The following SEMA3E variants were observed in gnomAD, a reference collection of about 807,000 sequenced individuals.
The protein encoded by SEMA3E is semaphorin-3E.
Under a neutral mutation model 93.6 loss-of-function variants are expected in SEMA3E, and 49 were observed. The observed-to-expected ratio is 0.52, with a 90% CI of 0.42 to 0.66. The LOEUF is 0.66. Among genes scored for constraint, SEMA3E ranks in the 30% least tolerant of loss-of-function variants. SEMA3E has a pLI of 0.00. For synonymous variants in SEMA3E, 363 were observed against 330.7 expected (o/e 1.10, Z -1.06); for missense variants, 906 against 964.8 (o/e 0.94, Z 0.81).
chr7:83,487,393 AG>A (rs1790281735), intron 2 of SEMA3E, among the ~76,000 whole-genome samples: 1 of 152,086 alleles, frequency 6.6e-6, no homozygotes, highest in African/African-American at 2.4e-5. Context: ...TTCAATGAAA[AG>A]GTTGTTAATT....
chr7:83,508,803 T>C (rs1268946777), intron 1 of SEMA3E, among the ~76,000 whole-genome samples: 1 of 152,156 alleles, frequency 6.6e-6, no homozygotes, highest in African/African-American at 2.4e-5. Flanking sequence ...CAGTGGCAAA[T>C]TGCCATGGGT....
At chr7:83,634,945 T>C (rs917103113) in intron 1 of SEMA3E, among the ~76,000 whole-genome samples, 8 of 152,222 alleles carry the variant, frequency 5.3e-5, no homozygotes, top group African/African-American at 1.7e-4. Flanking sequence ...AAGTTCTTTC[T>C]CTTTATAATT....
intron 1 of SEMA3E, among the ~76,000 whole-genome samples, chr7:83,581,426 G>A (rs765822014): frequency 4.0e-5 from 6 of 151,874 alleles, no homozygotes; most frequent in Admixed American, 2.0e-4. Flanking sequence ...CAATTTTCCC[G>A]TTTGAAGGAC....
chr7:83,507,561 C>T (rs34705290), intron 1 of SEMA3E, among the ~76,000 whole-genome samples: 8,904 of 151,476 alleles, frequency 0.059, 426 homozygotes, highest in South Asian at 0.2. Context: ...GAGCAGCAAG[C>T]AGGGGCAAGC....
chr7:83,427,793 C>T (rs1211134007), intron 4 of SEMA3E, among the ~76,000 whole-genome samples: 1 of 152,098 alleles, frequency 6.6e-6, no homozygotes, highest in South Asian at 2.1e-4. Flanking sequence ...TTTCAGTGAC[C>T]CCAAAGCAAT....
At chr7:83,396,067 G>A (rs114615494) in intron 12 of SEMA3E, among the ~76,000 whole-genome samples, 2,164 of 146,236 alleles carry the variant, frequency 0.015, 55 homozygotes, top group African/African-American at 0.053. Context: ...GTGTGTGTGT[G>A]TGTATAAGTG....
At chr7:83,512,931 T>C (rs1419269263) in intron 1 of SEMA3E, among the ~76,000 whole-genome samples, 1 of 152,208 alleles carries the variant, frequency 6.6e-6, no homozygotes. Context: ...ACATAAAGGC[T>C]AAAGTAATGC....
chr7:83,532,987 T>A (rs1562821939), intron 1 of SEMA3E, among the ~76,000 whole-genome samples: 2 of 152,102 alleles, frequency 1.3e-5, no homozygotes, highest in Admixed American at 1.3e-4. Flanking sequence ...ATGATTAATG[T>A]TTACATGGTT....
At chr7:83,392,367 CAA>C (rs1256925692) in intron 14 of SEMA3E, among the ~76,000 whole-genome samples, 186 bp downstream of exon 14, 1 of 150,518 alleles carries the variant, frequency 6.6e-6, no homozygotes. Context: ...GCAAAAGTTT[CAA>C]AAGAGGGAAA....
intron 5 of SEMA3E, among the ~76,000 whole-genome samples, chr7:83,408,753 ATAGT>A (rs1217564373): frequency 6.6e-6 from 1 of 152,118 alleles, no homozygotes; most frequent in Non-Finnish European, 1.5e-5. Flanking sequence ...ATTCAGTAAG[ATAGT>A]TAAGAGCAAA....
intron 1 of SEMA3E, among the ~76,000 whole-genome samples, chr7:83,554,008 A>G (rs1791830671): frequency 1.3e-5 from 2 of 152,264 alleles, no homozygotes; most frequent in Middle Eastern, 3.4e-3. Context: ...TTGCTGAATT[A>G]TTAATTCAAA....
chr7:83,581,741 T>G (rs945362511), intron 1 of SEMA3E, among the ~76,000 whole-genome samples: 1 of 152,016 alleles, frequency 6.6e-6, no homozygotes, highest in Non-Finnish European at 1.5e-5. Flanking sequence ...AATTGATCAT[T>G]AAACTGCTAC....
rs1476322738 is a variant in SEMA3E, at chr7:83,455,520, G to A, written c.456+10962C>T. Among the ~76,000 whole-genome samples, 4 of 152,194 alleles carry A rather than the reference G, an allele frequency of 2.6e-5. No individual in the cohort carries two copies. The East Asian group carries it at 7.7e-4, about 29-fold the overall frequency. ...TGTAAGATATGGAAAGAATACTGTG[G>A]TGGGTAGAATGCTTATGATGTTCAA... On this transcript the variant is annotated intron_variant, in intron 4 of 16. Coordinates refer to ENST00000643230, the MANE Select transcript of SEMA3E (RefSeq NM_012431.3).
chr7:83,381,811 T>C (rs1033740450), intron 16 of SEMA3E, among the ~76,000 whole-genome samples: 1 of 151,972 alleles, frequency 6.6e-6, no homozygotes, highest in African/African-American at 2.4e-5. Flanking sequence ...GTACTACCAA[T>C]AGGCATATAG....
intron 1 of SEMA3E, among the ~76,000 whole-genome samples, chr7:83,629,125 T>C (rs1236528615): frequency 6.6e-6 from 1 of 152,130 alleles, no homozygotes; most frequent in Non-Finnish European, 1.5e-5. Context: ...TGCCTGGGTA[T>C]CACCAGTGGA....
intron 16 of SEMA3E, among the ~76,000 whole-genome samples, chr7:83,377,753 ACAAT>A (rs1312433257): frequency 1.3e-5 from 2 of 152,080 alleles, no homozygotes; most frequent in African/African-American, 4.8e-5. Context: ...GAAATTACAC[ACAAT>A]CACTAATAAC....
chr7:83,490,236 G>A lies in SEMA3E; in HGVS notation c.154C>T (p.Pro52Ser). The A allele has an allele frequency of 6.2e-7, 1 of 1,612,660 alleles. No individual in the cohort carries two copies. Among genetic ancestry groups the A allele is most frequent in the East Asian group, 2.2e-5 (1 of 44,808 alleles). The change falls in exon 2 of 17, where the codon CCT (proline) becomes TCT (serine). Residue 52 changes from proline to serine, a missense_variant. Transcript: ENST00000643230. ...GTATGGAGATCAAGAAATCCAAAAG[G>A]GCTATGAAATATTGATGTTCTGTTC... ...NLNRTSIFHS[P>S]FGFLDLHTML... is the part of the protein sequence containing the mutation.
chr7:83,598,997 C>T (rs1049554357), intron 1 of SEMA3E, among the ~76,000 whole-genome samples: 4 of 152,118 alleles, frequency 2.6e-5, no homozygotes, highest in African/African-American at 7.2e-5. Flanking sequence ...AAACTTTCAT[C>T]GGCAAAACAG....
intron 4 of SEMA3E, among the ~76,000 whole-genome samples, chr7:83,458,896 T>C (rs1789549791): frequency 6.8e-6 from 1 of 146,882 alleles, no homozygotes; most frequent in Admixed American, 6.9e-5. Context: ...ATATATATAG[T>C]TATATATAAC....
Sources: allele counts gnomAD v4.1 joint callset (sites outside exome capture counted in the v4.1 genomes callset), GRCh38; gene constraint gnomAD v4.1.1; transcripts MANE v1.5; gene names NCBI Gene and HGNC (gene_info 2026-07-23, HGNC 2026-07-21).